Variants in KLF8 observed in about 807,000 individuals in gnomAD.
The protein encoded by KLF8 is Krueppel-like factor 8.
A neutral mutation model predicts 18.2 loss-of-function variants in KLF8; 10 were observed. The observed-to-expected ratio is 0.55, with a 90% CI of 0.34 to 0.93. The LOEUF is 0.93. KLF8 is among the 40% of genes least tolerant of loss of function. The pLI is 0.02. For missense variants in KLF8, 264 were observed against 277.9 expected (o/e 0.95, Z 0.36); for synonymous variants, 109 against 97.3 (o/e 1.12, Z -0.71).
At chrX:56,146,634 GC>G in the KLF8 span, among the ~76,000 whole-genome samples, 2 of 108,908 alleles carry the variant, frequency 1.8e-5, no homozygotes, top group Non-Finnish European at 3.8e-5. Context: ...GTTGGGTGCA[GC>G]AAACCACCAT....
At chrX:55,921,003 C>A in the KLF8 span, among the ~76,000 whole-genome samples, 1 of 111,802 alleles carries the variant, frequency 8.9e-6, no homozygotes, top group Admixed American at 9.5e-5. Context: ...CCGCCAAAAG[C>A]AATTGCAACA....
chrX:56,120,910 A>G, the KLF8 span, among the ~76,000 whole-genome samples: 1 of 111,345 alleles, frequency 9.0e-6, no homozygotes. Flanking sequence ...TTCCGGGCCG[A>G]ACACAGTGGC....
At chrX:56,282,579 G>T (rs976853679) in intron 5 of KLF8, among the ~76,000 whole-genome samples, 1 of 111,901 alleles carries the variant, frequency 8.9e-6, no homozygotes, top group African/African-American at 3.3e-5. Context: ...GTGGTGTGTA[G>T]TAAGTTGGAA....
At chrX:56,221,794 T>A in the KLF8 span, among the ~76,000 whole-genome samples, 1 of 111,728 alleles carries the variant, frequency 9.0e-6, no homozygotes, top group Non-Finnish European at 1.9e-5. Flanking sequence ...CAAGATTTAT[T>A]GCAAAGAGCA....
the KLF8 span, among the ~76,000 whole-genome samples, chrX:55,916,925 G>C: frequency 8.9e-6 from 1 of 111,869 alleles, no homozygotes; most frequent in Non-Finnish European, 1.9e-5. Flanking sequence ...CCTTAGAGCT[G>C]TTGTCAGAGG....
the KLF8 span, among the ~76,000 whole-genome samples, chrX:56,065,924 A>G: frequency 2.7e-5 from 3 of 111,677 alleles, no homozygotes; most frequent in South Asian, 7.5e-4. Flanking sequence ...CAGGCTTCCA[A>G]TGTGGCAGCA....
At chrX:56,039,127 A>G in the KLF8 span, among the ~76,000 whole-genome samples, 10 of 112,056 alleles carry the variant, frequency 8.9e-5, no homozygotes, top group Admixed American at 9.5e-4. Flanking sequence ...TCAGAGGGAT[A>G]CATTGCAAAA....
chrX:55,997,406 G>A, the KLF8 span, among the ~76,000 whole-genome samples: 4 of 111,876 alleles, frequency 3.6e-5, no homozygotes, highest in African/African-American at 1.3e-4. Flanking sequence ...TCAAATGTCT[G>A]TGGGGATCAT....
At chrX:56,012,607 A>G in the KLF8 span, among the ~76,000 whole-genome samples, 1 of 111,560 alleles carries the variant, frequency 9.0e-6, no homozygotes, top group Non-Finnish European at 1.9e-5. Flanking sequence ...GAAATCAGGC[A>G]ATAGAAAGAA....
At position 56,242,508 on chromosome X, in the gene KLF8, TG is replaced by T. The variant is rs746389691; in HGVS notation, c.8-7719del. Among the ~76,000 whole-genome samples the T allele has an allele frequency of 6.2e-5, 7 of 112,255 alleles. No individual in the cohort carries two copies. In the East Asian group the frequency reaches 2.0e-3, roughly 31 times the overall value. On this transcript the variant is annotated intron_variant, in intron 1 of 5. Transcript: ENST00000468660. ...GATTGGTCTTCCTAACAGCCATGAG[TG>T]GGGAGGGCTACACTGGTGTATTCCC...
chrX:56,127,082 C>T, the KLF8 span, among the ~76,000 whole-genome samples: 1 of 110,521 alleles, frequency 9.0e-6, no homozygotes, highest in South Asian at 3.8e-4. Context: ...ATTTTTCAGG[C>T]CTCCATTCAA....
chrX:56,121,248 C>T, the KLF8 span, among the ~76,000 whole-genome samples: 2 of 109,461 alleles, frequency 1.8e-5, no homozygotes, highest in Non-Finnish European at 3.8e-5. Flanking sequence ...GGCTTCCTGC[C>T]TATGACTGTG....
the KLF8 span, among the ~76,000 whole-genome samples, chrX:56,018,607 T>C: frequency 9.0e-6 from 1 of 111,416 alleles, no homozygotes; most frequent in Non-Finnish European, 1.9e-5. Context: ...CACATCAATA[T>C]GTTTTATTAT....
At chrX:56,171,801 C>A in the KLF8 span, among the ~76,000 whole-genome samples, 2 of 111,698 alleles carry the variant, frequency 1.8e-5, no homozygotes, top group African/African-American at 6.5e-5. Context: ...GCTACAAGTC[C>A]TTGCTATTGT....
chrX:56,240,492 T>A lies in KLF8; in HGVS notation c.7+7151T>A, dbSNP rs1283754307. ...GAAGAGGATCACATGAGATGTTACA[T>A]AATGATTCAGAGCAATGAGTTTTTG... On this transcript the variant is annotated intron_variant, in intron 1 of 5. Transcript: ENST00000468660. 8.9e-5 allele frequency among the ~76,000 whole-genome samples: 10 copies of A among 112,200 alleles called. No individual in the cohort carries two copies. In the Admixed American group the frequency reaches 9.5e-4, roughly 11 times the overall value.
chrX:55,923,125 A>C, the KLF8 span, among the ~76,000 whole-genome samples: 1 of 111,635 alleles, frequency 9.0e-6, no homozygotes. Context: ...GTACATATAC[A>C]CCATGGAATA....
chrX:55,933,500 A>G, the KLF8 span, among the ~76,000 whole-genome samples: 1 of 112,481 alleles, frequency 8.9e-6, no homozygotes, highest in African/African-American at 3.2e-5. Context: ...CAGTTATTAA[A>G]CAACCAGTTT....
At chrX:56,172,897 A>G in the KLF8 span, among the ~76,000 whole-genome samples, 4 of 112,325 alleles carry the variant, frequency 3.6e-5, no homozygotes, top group East Asian at 8.4e-4. Flanking sequence ...GGCTGCATAA[A>G]TGTCTTCTTT....
upstream of KLF8, among the ~76,000 whole-genome samples, chrX:56,229,597 G>A (rs2066388319): frequency 8.9e-6 from 1 of 111,914 alleles, no homozygotes; most frequent in Non-Finnish European, 1.9e-5. Flanking sequence ...TGTGTCAAGA[G>A]TAAAAGAATA....
Sources: gnomAD v4.1 joint callset for allele counts (sites outside exome capture counted in the v4.1 genomes callset) on GRCh38, gnomAD v4.1.1 for gene constraint, MANE v1.5 for transcripts, NCBI Gene and HGNC (gene_info 2026-07-23, HGNC 2026-07-21) for gene names.